CLASP1: variants seen among roughly 807,000 people sequenced by gnomAD.
CLASP1 encodes the protein CLIP-associating protein 1.
In CLASP1, 38 loss-of-function variants were observed where a neutral mutation model predicts 192.3. The observed-to-expected ratio is 0.20, with a 90% CI of 0.15 to 0.26. CLASP1 has a LOEUF of 0.26. Among genes scored for constraint, CLASP1 ranks in the 10% least tolerant of loss-of-function variants. The probability of loss-of-function intolerance (pLI) is 1.00; values close to 1 mark genes in which losing one functional copy is unlikely to be tolerated. For missense variants in CLASP1, 1,433 were observed against 1,932.5 expected, an observed-to-expected ratio of 0.74 and a Z score of 4.85; for synonymous variants, 691 against 712.8, an observed-to-expected ratio of 0.97 and a Z score of 0.49.
chr2:121,470,480 T>C (rs993886387), intron 8 of CLASP1, among the ~76,000 whole-genome samples: 6 of 152,252 alleles, frequency 3.9e-5, no homozygotes, highest in Admixed American at 2.0e-4. Flanking sequence ...ACTTCAAATA[T>C]GTAAATTTTT....
chr2:121,633,633 A>C (rs1350068948), intron 1 of CLASP1, among the ~76,000 whole-genome samples: 1 of 152,168 alleles, frequency 6.6e-6, no homozygotes, highest in African/African-American at 2.4e-5. Context: ...ACATGACATT[A>C]CTATAGCCAA....
At position 121,560,242 on chromosome 2, in the gene CLASP1, T is replaced by C. The variant is rs1243733531; in HGVS notation, c.196-29917A>G. ...AGAATAATTTAGACCTACATGTATA[T>C]TTAACATGGGAAGATGTCTGTGTTA... is the stretch of plus-strand genomic sequence containing the variant. On this transcript the variant is annotated intron_variant, in intron 2 of 39. Coordinates refer to ENST00000263710, the Ensembl canonical transcript of CLASP1. Among the ~76,000 whole-genome samples the C allele has an allele frequency of 5.3e-5, 8 of 152,234 alleles. No homozygotes were observed. In the East Asian group the frequency reaches 1.5e-3, roughly 29 times the overall value.
intron 8 of CLASP1, among the ~76,000 whole-genome samples, chr2:121,477,284 A>G (rs1055646779): frequency 6.6e-5 from 10 of 152,346 alleles, no homozygotes; most frequent in Non-Finnish European, 8.8e-5. Flanking sequence ...CTTTTCTCAT[A>G]TATCTTTTTT....
intron 2 of CLASP1, among the ~76,000 whole-genome samples, chr2:121,604,312 T>C (rs149855951): frequency 1.3e-5 from 2 of 152,310 alleles, no homozygotes; most frequent in African/African-American, 4.8e-5. Flanking sequence ...TAAGAAGCAA[T>C]TGATAATTTC....
intron 32 of CLASP1, among the ~76,000 whole-genome samples, chr2:121,384,145 T>TAC (rs1253822484): frequency 5.0e-4 from 67 of 133,598 alleles, no homozygotes; most frequent in Admixed American, 1.4e-3. Context: ...TATATATATA[T>TAC]ACACACACAC....
At chr2:121,532,139 T>C (rs558942670) in intron 2 of CLASP1, among the ~76,000 whole-genome samples, 10 of 152,360 alleles carry the variant, frequency 6.6e-5, no homozygotes, top group African/African-American at 2.4e-4. Flanking sequence ...CTTTGAAATC[T>C]ACTGCTTCAA....
At chr2:121,403,830 A>G (rs897268641) in intron 26 of CLASP1, 3 of 460,624 alleles carry the variant, frequency 6.5e-6, no homozygotes, top group Non-Finnish European at 1.3e-5. Flanking sequence ...GGCCCTCAGG[A>G]GGTGTGGGCA....
chr2:121,368,370 A>C (rs2067860134), intron 34 of CLASP1, among the ~76,000 whole-genome samples: 1 of 152,192 alleles, frequency 6.6e-6, no homozygotes, highest in African/African-American at 2.4e-5. Context: ...CCTCCTAGGC[A>C]TATCATTCTT....
At chr2:121,516,863 C>G (rs1226409889) in intron 6 of CLASP1, among the ~76,000 whole-genome samples, 1 of 151,516 alleles carries the variant, frequency 6.6e-6, no homozygotes, top group Non-Finnish European at 1.5e-5. Flanking sequence ...CTTGTCTCTA[C>G]TATAAATACA....
At chr2:121,558,812 T>C in intron 2 of CLASP1, among the ~76,000 whole-genome samples, 1 of 152,228 alleles carries the variant, frequency 6.6e-6, no homozygotes, top group Non-Finnish European at 1.5e-5. Flanking sequence ...GTTAAGGTGA[T>C]ATATTCCCAA....
chr2:121,528,961 A>G (rs1032095130), intron 3 of CLASP1, among the ~76,000 whole-genome samples, 181 bp from the exon 4 acceptor site: 1 of 152,230 alleles, frequency 6.6e-6, no homozygotes, highest in African/African-American at 2.4e-5. Context: ...GAAAGTCACC[A>G]AAAGAGTCTG....
intron 2 of CLASP1, among the ~76,000 whole-genome samples, chr2:121,564,902 A>G (rs2059376635): frequency 1.3e-5 from 2 of 152,210 alleles, no homozygotes; most frequent in African/African-American, 4.8e-5. Context: ...TGTGGCAGCT[A>G]TGGGGCAAGA....
At chr2:121,582,165 GAAGA>G (rs2061247587) in intron 2 of CLASP1, among the ~76,000 whole-genome samples, 4 of 149,078 alleles carry the variant, frequency 2.7e-5, no homozygotes, top group African/African-American at 9.9e-5. Context: ...TAGAAAGAAA[GAAGA>G]AAGGAAGGAA....
Position 121,615,972 on chromosome 2 carries a change from C to T in CLASP1, c.-285-9792G>A, listed in dbSNP as rs1400501221. ...TGAAAGTTCAAAGCATGGGCATTTA[C>T]TAACTGAAACATGAAAATGTTTCAG... On this transcript the variant is annotated intron_variant, in intron 1 of 39. Coordinates refer to ENST00000263710, the Ensembl canonical transcript of CLASP1. Among the ~76,000 whole-genome samples the T allele has an allele frequency of 2.0e-5, 3 of 152,242 alleles. No individual in the cohort carries two copies. In the East Asian group the frequency reaches 5.8e-4, roughly 29 times the overall value.
In CLASP1 at chr2:121,603,755, C is replaced by T. The variant is rs572261852; in HGVS notation, c.195+1946G>A. Among the ~76,000 whole-genome samples, 31 of 152,256 alleles carry T rather than the reference C, an allele frequency of 2.0e-4. No homozygotes were observed. In the South Asian group the frequency reaches 6.2e-3, roughly 31 times the overall value. On this transcript the variant is annotated intron_variant, in intron 2 of 39. Transcript: ENST00000263710. ...TTAGCCATGAAAAAGAATAAAATCC[C>T]GTCCTTCACAGCAACATGGATGGAA...
chr2:121,566,745 A>C (rs72971246), intron 2 of CLASP1, among the ~76,000 whole-genome samples: 1 of 152,234 alleles, frequency 6.6e-6, no homozygotes, highest in Admixed American at 6.5e-5. Flanking sequence ...CTAACATTCC[A>C]GTAATCCATC....
chr2:121,470,292 G>GTTT (rs1559333650), intron 8 of CLASP1: 15 of 260,110 alleles, frequency 5.8e-5, no homozygotes, highest in Admixed American at 1.1e-4. Flanking sequence ...GACCATCCAT[G>GTTT]CTTTTTTTTT....
exon 35 of CLASP1, chr2:121,367,778 A>G: frequency 6.2e-7 from 1 of 1,613,852 alleles, no homozygotes; most frequent in East Asian, 2.2e-5. Flanking sequence ...CTTCTACTTC[A>G]CTACCCCCCC....
chr2:121,642,816 G>C (rs1448421304), intron 1 of CLASP1, among the ~76,000 whole-genome samples: 4 of 152,086 alleles, frequency 2.6e-5, no homozygotes, highest in East Asian at 1.9e-4. Context: ...CATATACTAT[G>C]TAATTATAAG....
Sources: allele counts gnomAD v4.1 joint callset (sites outside exome capture counted in the v4.1 genomes callset), GRCh38; gene constraint gnomAD v4.1.1; transcripts MANE v1.5; gene names NCBI Gene and HGNC (gene_info 2026-07-23, HGNC 2026-07-21).